Variants in DLGAP2 observed in about 807,000 individuals in gnomAD.
DLGAP2 encodes disks large-associated protein 2.
A neutral mutation model predicts 100.3 loss-of-function variants in DLGAP2; 26 were observed. That is an observed-to-expected ratio of 0.26 (90% CI 0.19 to 0.36). DLGAP2 has a LOEUF of 0.36. DLGAP2 is among the 10% of genes least tolerant of loss of function. The probability of loss-of-function intolerance (pLI) is 1.00; values close to 1 mark genes in which losing one functional copy is unlikely to be tolerated. For synonymous variants in DLGAP2, 886 were observed against 630.1 expected, an observed-to-expected ratio of 1.41 and a Z score of -6.08; for missense variants, 1,858 against 1,453.2, an observed-to-expected ratio of 1.28 and a Z score of -4.53.
intron 1 of DLGAP2, among the ~76,000 whole-genome samples, chr8:811,281 A>C (rs916424841): frequency 3.3e-5 from 5 of 152,256 alleles, no homozygotes; most frequent in African/African-American, 1.2e-4. Context: ...CTTCCTGGGA[A>C]TGAGCAGGAA....
chr8:1,218,627 G>A (rs201800296), intron 2 of DLGAP2, among the ~76,000 whole-genome samples: 1 of 151,926 alleles, frequency 6.6e-6, no homozygotes, highest in African/African-American at 2.4e-5. Flanking sequence ...GCTCTTTTTT[G>A]TTTTAATATA....
intron 2 of DLGAP2, chr8:1,032,601 A>G (rs1802007428): frequency 6.6e-6 from 1 of 152,212 alleles, no homozygotes. Flanking sequence ...CTGTGTGCCA[A>G]AATATTTTAC....
intron 1 of DLGAP2, among the ~76,000 whole-genome samples, chr8:869,656 C>G (rs934132943): frequency 1.3e-5 from 2 of 152,176 alleles, no homozygotes; most frequent in Admixed American, 6.5e-5. Flanking sequence ...TAAAAGACTC[C>G]TTAGTCTTAA....
At chr8:1,317,230 G>A (rs1352112952) in intron 3 of DLGAP2, among the ~76,000 whole-genome samples, 1 of 137,722 alleles carries the variant, frequency 7.3e-6, no homozygotes, top group Non-Finnish European at 1.5e-5. Flanking sequence ...ACACTCGGCA[G>A]CGTTTAAAAA....
chr8:750,464 G>T (rs986585903), intron 1 of DLGAP2, among the ~76,000 whole-genome samples: 1 of 152,048 alleles, frequency 6.6e-6, no homozygotes, highest in Admixed American at 6.5e-5. Flanking sequence ...CAAATATAAG[G>T]GTTTTCCTGA....
chr8:1,205,917 C>A (rs1797980035), intron 2 of DLGAP2, among the ~76,000 whole-genome samples: 1 of 152,182 alleles, frequency 6.6e-6, no homozygotes, highest in South Asian at 2.1e-4. Context: ...ACCTGGGATG[C>A]TGAGGCAGGA....
chr8:952,014 C>T (rs1799491757), intron 2 of DLGAP2, among the ~76,000 whole-genome samples: 1 of 152,222 alleles, frequency 6.6e-6, no homozygotes, highest in South Asian at 2.1e-4. Context: ...CCTTGCCCTC[C>T]CGGGAGTGCC....
At chr8:900,297 C>T (rs1033322924) in intron 1 of DLGAP2, among the ~76,000 whole-genome samples, 6 of 134,236 alleles carry the variant, frequency 4.5e-5, no homozygotes, top group African/African-American at 1.4e-4. Flanking sequence ...CGCTCCCGGG[C>T]GGACGGTGGG....
intron 8 of DLGAP2, among the ~76,000 whole-genome samples, chr8:1,664,397 C>A (rs963478147): frequency 2.6e-5 from 4 of 152,142 alleles, no homozygotes; most frequent in Admixed American, 1.3e-4. Context: ...TTCTTTCAAC[C>A]CCAGTCTCTC....
intron 2 of DLGAP2, among the ~76,000 whole-genome samples, chr8:1,255,367 C>G (rs1396720529): frequency 2.0e-5 from 2 of 101,784 alleles, no homozygotes; most frequent in Admixed American, 1.9e-4. Flanking sequence ...TGTGTGTGCC[C>G]TCTCATCCTG....
chr8:762,846 T>C (rs1360995989), intron 1 of DLGAP2, among the ~76,000 whole-genome samples: 1 of 151,990 alleles, frequency 6.6e-6, no homozygotes, highest in Non-Finnish European at 1.5e-5. Context: ...CCAGGCTAGC[T>C]TTTGAATTTT....
chr8:1,389,790 C>G lies in DLGAP2; in HGVS notation c.107-111576C>G, dbSNP rs1042280915. 3.9e-5 allele frequency among the ~76,000 whole-genome samples: 6 copies of G among 152,046 alleles called. 1 individual carries two copies. Among genetic ancestry groups the G allele is most frequent in the African/African-American group, 1.4e-4 (6 of 41,400 alleles). On this transcript the variant is annotated intron_variant, in intron 3 of 14. Coordinates refer to ENST00000637795, the MANE Select transcript of DLGAP2 (RefSeq NM_001346810.2). ...TACAGGTACAACCCCGGGCGGAGACCCAGAGCGAGCCTTCCCTGCAAGGAT... is the reference window on the plus strand; with the variant it reads ...TACAGGTACAACCCCGGGCGGAGACGCAGAGCGAGCCTTCCCTGCAAGGAT...
In DLGAP2 at chr8:1,407,368, C is replaced by A. The variant is rs536931330; in HGVS notation, c.107-93998C>A. On this transcript the variant is annotated intron_variant, in intron 3 of 14. Transcript: ENST00000637795. Reference sequence around the variant, plus strand: ...GTGTATTGAGAACTTACTGAGCGCTCCCTCCTTGTCCTCCGGAGTCCTGTA... The same window carrying A: ...GTGTATTGAGAACTTACTGAGCGCTACCTCCTTGTCCTCCGGAGTCCTGTA... Among the ~76,000 whole-genome samples the A allele has an allele frequency of 4.5e-3, 367 of 81,114 alleles. 13 individuals are homozygous for A. The highest frequency in any genetic ancestry group is 6.0e-3 in the Non-Finnish European group (244 of 40,504). 53.2% of individuals were successfully genotyped at this position (81,114 alleles called of 152,430 possible).
At position 1,704,982 on chromosome 8, in the gene DLGAP2, C is replaced by T. The variant is rs1799666315; in HGVS notation, c.*3576C>T. On this transcript the variant is annotated 3_prime_UTR_variant, in exon 15 of 15. Coordinates refer to ENST00000637795, the MANE Select transcript of DLGAP2 (RefSeq NM_001346810.2). ...TATTAAGCAGCCACCGTTTCCACCCCTTTCATTAGAAGGCCCTGCATCCGT... is the reference window on the plus strand; with the variant it reads ...TATTAAGCAGCCACCGTTTCCACCCTTTTCATTAGAAGGCCCTGCATCCGT... 6.6e-6 allele frequency: 1 copy of T among 152,248 alleles called. No homozygotes were observed. The highest frequency in any genetic ancestry group is 6.5e-5 in the Admixed American group (1 of 15,286). 9.4% of individuals were successfully genotyped at this position (152,248 alleles called of 1,614,324 possible).
At chr8:1,033,248 C>CA (rs1802023398) in intron 2 of DLGAP2, among the ~76,000 whole-genome samples, 1 of 152,196 alleles carries the variant, frequency 6.6e-6, no homozygotes, top group African/African-American at 2.4e-5. Context: ...ACAGAAATGA[C>CA]AAACAGGCCC....
chr8:755,947 C>T (rs889936408), intron 1 of DLGAP2, among the ~76,000 whole-genome samples: 1 of 152,046 alleles, frequency 6.6e-6, no homozygotes, highest in African/African-American at 2.4e-5. Flanking sequence ...CACAGGTGGT[C>T]GGGGGATCCA....
At chr8:1,320,170 A>G (rs1800862434) in intron 3 of DLGAP2, among the ~76,000 whole-genome samples, 1 of 151,984 alleles carries the variant, frequency 6.6e-6, no homozygotes, top group Non-Finnish European at 1.5e-5. Flanking sequence ...CTGAGTGTTG[A>G]GTCCTTAGTC....
chr8:1,474,485 C>G lies in DLGAP2; in HGVS notation c.107-26881C>G, dbSNP rs143966927. 1.5e-3 allele frequency among the ~76,000 whole-genome samples: 225 copies of G among 152,338 alleles called. No homozygotes were observed. The East Asian group carries it at 0.028, about 19-fold the overall frequency. On this transcript the variant is annotated intron_variant, in intron 3 of 14. Transcript: ENST00000637795. The stretch of plus-strand genomic sequence containing the variant: ...TTTCCATAGTGGTTGTACTGGTTTA[C>G]ATTCCCACCAGCAGTGCAGAAGTGT...
intron 2 of DLGAP2, among the ~76,000 whole-genome samples, chr8:1,090,380 C>T (rs116959308): frequency 1.5e-5 from 2 of 131,948 alleles, no homozygotes; most frequent in Non-Finnish European, 3.5e-5. Flanking sequence ...AAACTCACAC[C>T]CCGAGGACCT....
Sources: allele counts gnomAD v4.1 joint callset (sites outside exome capture counted in the v4.1 genomes callset), GRCh38; gene constraint gnomAD v4.1.1; transcripts MANE v1.5; gene names NCBI Gene and HGNC (gene_info 2026-07-23, HGNC 2026-07-21).